Variants in KCMF1 observed in about 807,000 individuals in gnomAD.
KCMF1 encodes potassium channel modulatory factor 1.
Under a neutral mutation model 41.1 loss-of-function variants are expected in KCMF1, and 3 were observed. The ratio of observed to expected loss-of-function variants is 0.07; its 90% CI spans 0.03 to 0.19. The LOEUF (loss-of-function observed/expected upper bound fraction) is 0.19. KCMF1 is among the 10% of genes least tolerant of loss of function. The pLI, the probability that KCMF1 is intolerant of heterozygous loss-of-function variation, is 1.00. For synonymous variants in KCMF1, 142 were observed against 164.5 expected (o/e 0.86, Z 1.04); for missense variants, 286 against 488.9 (o/e 0.58, Z 3.91).
At chr2:85,008,616 T>C (rs544843780) in intron 1 of KCMF1, among the ~76,000 whole-genome samples, 1 of 151,688 alleles carries the variant, frequency 6.6e-6, no homozygotes, top group African/African-American at 2.4e-5. Flanking sequence ...GTTTACAAAA[T>C]GAGAGCTGAA....
chr2:85,021,622 A>G (rs950452278), intron 1 of KCMF1, among the ~76,000 whole-genome samples: 2 of 152,056 alleles, frequency 1.3e-5, no homozygotes, highest in South Asian at 2.1e-4. Context: ...ACTGTCACAA[A>G]AAAAAAAAAT....
At chr2:84,985,463 T>C (rs1348064356) in intron 1 of KCMF1, among the ~76,000 whole-genome samples, 1 of 152,244 alleles carries the variant, frequency 6.6e-6, no homozygotes, top group African/African-American at 2.4e-5. Context: ...GTTACTCTAT[T>C]ACTCTATTTA....
intron 1 of KCMF1, among the ~76,000 whole-genome samples, chr2:85,022,589 T>A (rs1674973290): frequency 6.6e-6 from 1 of 152,148 alleles, no homozygotes; most frequent in South Asian, 2.1e-4. Flanking sequence ...TTTTGTTTGT[T>A]TGTTTTTGTT....
At position 85,053,657 on chromosome 2, in the gene KCMF1, A is replaced by C. The variant is rs1365854364; in HGVS notation, c.*248A>C. ...TGCTTCCTGTACCTTGACATGCAAA[A>C]GGCTCTCCTAATACTCCACATTCAA... On this transcript the variant is annotated 3_prime_UTR_variant, in exon 7 of 7. Coordinates refer to ENST00000409785, the MANE Select transcript of KCMF1 (RefSeq NM_020122.5). 2 of 426,412 alleles carry C rather than the reference A, an allele frequency of 4.7e-6. No individual in the cohort carries two copies. Among genetic ancestry groups the C allele is most frequent in the Non-Finnish European group, 8.4e-6 (2 of 238,786 alleles). 26.4% of individuals were successfully genotyped at this position (426,412 alleles called of 1,614,324 possible).
intron 3 of KCMF1, among the ~76,000 whole-genome samples, chr2:85,037,773 C>T (rs1675437638): frequency 6.6e-6 from 1 of 152,154 alleles, no homozygotes; most frequent in Admixed American, 6.6e-5. Context: ...ACCAGGGTTC[C>T]CCAACCCCTG....
chr2:85,053,655 A>G lies in KCMF1; in HGVS notation c.*246A>G. ...TCTGCTTCCTGTACCTTGACATGCA[A>G]AAGGCTCTCCTAATACTCCACATTC... On this transcript the variant is annotated 3_prime_UTR_variant, in exon 7 of 7. Coordinates refer to ENST00000409785, the MANE Select transcript of KCMF1 (RefSeq NM_020122.5). 2.3e-6 allele frequency: 1 copy of G among 434,066 alleles called. No homozygotes were observed. The highest frequency in any genetic ancestry group is 4.1e-6 in the Non-Finnish European group (1 of 243,420). The allele number at this position is 434,066 out of a possible 1,614,324, so 26.9% of individuals were successfully genotyped here.
At chr2:84,981,940 C>T (rs1559125158) in intron 1 of KCMF1, among the ~76,000 whole-genome samples, 1 of 151,988 alleles carries the variant, frequency 6.6e-6, no homozygotes, top group South Asian at 2.1e-4. Flanking sequence ...CTACCATGCC[C>T]AGCTAATTTT....
intron 1 of KCMF1, among the ~76,000 whole-genome samples, chr2:85,026,685 T>C (rs1042912132): frequency 1.3e-5 from 2 of 151,686 alleles, no homozygotes; most frequent in Non-Finnish European, 2.9e-5. Flanking sequence ...ACAGGATCTC[T>C]CTATGTTGCC....
chr2:85,051,696 T>C (rs1173651401), intron 6 of KCMF1, among the ~76,000 whole-genome samples: 1 of 152,256 alleles, frequency 6.6e-6, no homozygotes, highest in Non-Finnish European at 1.5e-5. Context: ...AAATACTCTC[T>C]TAACTTCATA....
chr2:85,041,293 T>C (rs1675527675), intron 3 of KCMF1, among the ~76,000 whole-genome samples: 1 of 152,218 alleles, frequency 6.6e-6, no homozygotes, highest in African/African-American at 2.4e-5. Flanking sequence ...CCAAAGTCAA[T>C]ACACGATAAG....
chr2:85,008,256 T>C (rs186323430), intron 1 of KCMF1, among the ~76,000 whole-genome samples: 4 of 94,224 alleles, frequency 4.2e-5, no homozygotes, highest in African/African-American at 1.6e-4. Flanking sequence ...TGATATATAT[T>C]ATATATCATA....
intron 1 of KCMF1, among the ~76,000 whole-genome samples, chr2:85,022,407 G>A (rs1056334479): frequency 6.6e-5 from 10 of 152,120 alleles, no homozygotes; most frequent in African/African-American, 2.4e-4. Flanking sequence ...CCAGGAGGTC[G>A]AGGCTGTAGT....
intron 2 of KCMF1, among the ~76,000 whole-genome samples, chr2:85,032,270 C>A (rs1430395690): frequency 6.6e-6 from 1 of 152,188 alleles, no homozygotes; most frequent in Non-Finnish European, 1.5e-5. Flanking sequence ...CTCCTGGCTT[C>A]AAGCGATTCT....
intron 1 of KCMF1, among the ~76,000 whole-genome samples, chr2:84,980,000 T>C (rs1673666365): frequency 6.6e-6 from 1 of 151,880 alleles, no homozygotes; most frequent in Admixed American, 6.6e-5. Flanking sequence ...TTTTGTATTT[T>C]TTTTTTTTTT....
chr2:85,004,275 G>C (rs1213066583), intron 1 of KCMF1, among the ~76,000 whole-genome samples: 1 of 152,122 alleles, frequency 6.6e-6, no homozygotes, highest in African/African-American at 2.4e-5. Context: ...ACTTTGGGAG[G>C]CCAAGGCGGG....
At chr2:85,022,109 G>A (rs773285180) in intron 1 of KCMF1, among the ~76,000 whole-genome samples, 1 of 152,014 alleles carries the variant, frequency 6.6e-6, no homozygotes, top group Non-Finnish European at 1.5e-5. Flanking sequence ...GAGCCACCAC[G>A]CCCGGCCTGT....
intron 1 of KCMF1, among the ~76,000 whole-genome samples, chr2:85,026,698 G>T (rs1324338969): frequency 6.6e-6 from 1 of 151,888 alleles, no homozygotes; most frequent in Non-Finnish European, 1.5e-5. Context: ...ATGTTGCCCA[G>T]GCTGGTCTTG....
intron 1 of KCMF1, among the ~76,000 whole-genome samples, chr2:85,008,310 G>GAT (rs1258410051): frequency 0.012 from 187 of 16,226 alleles, 2 homozygotes; most frequent in African/African-American, 0.039. Flanking sequence ...TATATAATAT[G>GAT]ATATATATAT....
chr2:85,051,070 T>G (rs1355191545), intron 6 of KCMF1, among the ~76,000 whole-genome samples: 1 of 152,246 alleles, frequency 6.6e-6, no homozygotes, highest in Non-Finnish European at 1.5e-5. Flanking sequence ...TGGCCTATAG[T>G]AAAGGTCCAA....
Sources: allele counts gnomAD v4.1 joint callset (sites outside exome capture counted in the v4.1 genomes callset), GRCh38; gene constraint gnomAD v4.1.1; transcripts MANE v1.5; gene names NCBI Gene and HGNC (gene_info 2026-07-23, HGNC 2026-07-21).